Variants in DNAJC15 observed in about 807,000 individuals in gnomAD.
DNAJC15 encodes the protein dnaJ homolog subfamily C member 15.
A neutral mutation model predicts 22.4 loss-of-function variants in DNAJC15; 27 were observed. The ratio of observed to expected loss-of-function variants is 1.20; its 90% CI spans 0.89 to 1.66. DNAJC15 has a LOEUF of 1.66. DNAJC15 is among the 40% of genes most tolerant of loss of function. The pLI is 0.00. For synonymous variants in DNAJC15, 79 were observed against 63.2 expected (o/e 1.25, Z -1.19); for missense variants, 208 against 187.1 (o/e 1.11, Z -0.65).
Position 43,065,599 on chromosome 13 carries a change from A to T in DNAJC15, c.109-87A>T, listed in dbSNP as rs1160730261. 1.2e-5 allele frequency: 13 copies of T among 1,075,102 alleles called. No homozygotes were observed. The East Asian group carries it at 3.1e-4, about 26-fold the overall frequency. The allele number at this position is 1,075,102 out of a possible 1,614,324, so 66.6% of individuals were successfully genotyped here. ...GAGCTTAAAGAAAGTGTAGTATTGT[A>T]ATGTAATTATTCTCATTATTAAAAA... On this transcript the variant is annotated intron_variant, in intron 1 of 5. Coordinates refer to ENST00000379221, the MANE Select transcript of DNAJC15 (RefSeq NM_013238.3).
At chr13:43,085,955 G>A (rs2040686397) in intron 5 of DNAJC15, 117 bp downstream of exon 5, 1 of 870,908 alleles carries the variant, frequency 1.1e-6, no homozygotes, top group East Asian at 2.9e-5. Flanking sequence ...CACATGTATT[G>A]TGATTTTTTT....
Position 43,097,746 on chromosome 13 carries a change from T to C in DNAJC15, c.383-9432T>C, listed in dbSNP as rs542890252. 7.2e-5 allele frequency among the ~76,000 whole-genome samples: 11 copies of C among 152,238 alleles called. No individual in the cohort carries two copies. In the South Asian group the frequency reaches 1.2e-3, roughly 17 times the overall value. On this transcript the variant is annotated intron_variant, in intron 5 of 5. Coordinates refer to ENST00000379221, the MANE Select transcript of DNAJC15 (RefSeq NM_013238.3). ...TGAGGTCGGGAGTTCGAGACCAGCCTGACCAACATGGAGAAACCCCATCTC... is the reference window on the plus strand; with the variant it reads ...TGAGGTCGGGAGTTCGAGACCAGCCCGACCAACATGGAGAAACCCCATCTC...
At chr13:43,063,583 T>C (rs990879923) in intron 1 of DNAJC15, among the ~76,000 whole-genome samples, 1 of 152,238 alleles carries the variant, frequency 6.6e-6, no homozygotes, top group African/African-American at 2.4e-5. Context: ...CCTTTTCATA[T>C]GTTTTAGCCA....
intron 5 of DNAJC15, among the ~76,000 whole-genome samples, chr13:43,088,344 T>G (rs1239155681): frequency 1.3e-5 from 2 of 152,214 alleles, no homozygotes; most frequent in South Asian, 2.1e-4. Flanking sequence ...TAATCAATGC[T>G]GCCTCCTAAA....
chr13:43,081,536 T>G (rs2040661530), intron 4 of DNAJC15, among the ~76,000 whole-genome samples: 1 of 152,010 alleles, frequency 6.6e-6, no homozygotes, highest in Admixed American at 6.6e-5. Context: ...CCTCCCAGGT[T>G]CACGCCATTC....
intron 1 of DNAJC15, among the ~76,000 whole-genome samples, chr13:43,055,459 A>G (rs9533366): frequency 0.22 from 33,544 of 151,988 alleles, 4,417 homozygotes; most frequent in Non-Finnish European, 0.3. Context: ...CTTTTTGCCT[A>G]TTCAACTTTG....
chr13:43,075,214 C>T (rs1307411354), intron 3 of DNAJC15, among the ~76,000 whole-genome samples: 2 of 152,096 alleles, frequency 1.3e-5, no homozygotes, highest in African/African-American at 4.8e-5. Flanking sequence ...TTGACTTACT[C>T]GTAATAAAAT....
intron 5 of DNAJC15, among the ~76,000 whole-genome samples, chr13:43,103,449 C>T (rs1161700474): frequency 6.6e-6 from 1 of 152,224 alleles, no homozygotes; most frequent in Non-Finnish European, 1.5e-5. Context: ...CCAAACCTAT[C>T]TATGGTCTAA....
intron 5 of DNAJC15, among the ~76,000 whole-genome samples, chr13:43,096,846 T>TA (rs1260350195): frequency 6.6e-6 from 1 of 152,150 alleles, no homozygotes. Flanking sequence ...CTTCAGCTCT[T>TA]ACCTTCTTAG....
intron 5 of DNAJC15, among the ~76,000 whole-genome samples, chr13:43,093,834 T>C (rs532934143): frequency 3.0e-4 from 46 of 152,228 alleles, no homozygotes; most frequent in Non-Finnish European, 5.7e-4. Flanking sequence ...AATAAAATTT[T>C]TGAAGACTAA....
intron 1 of DNAJC15, among the ~76,000 whole-genome samples, chr13:43,028,624 CAT>C (rs1221370733): frequency 5.9e-5 from 9 of 152,192 alleles, no homozygotes; most frequent in Admixed American, 3.3e-4. Flanking sequence ...CCTTAAATGA[CAT>C]ATCCAGCCAC....
In DNAJC15 at chr13:43,107,200, CA is replaced by C; in HGVS notation, c.409del (p.Ile137Ter). ...CAGGTGGATCTCCTTACGTAGCAGCCAAAATAAATGAAGCAAAAGACTTGCT... is the reference window on the plus strand; with the variant it reads ...CAGGTGGATCTCCTTACGTAGCAGCCAAATAAATGAAGCAAAAGACTTGCT... ...DKGGSPYVAA[K>X]INEAKDLLET... On this transcript the variant is annotated frameshift_variant, in exon 6 of 6. Coordinates refer to ENST00000379221, the MANE Select transcript of DNAJC15 (RefSeq NM_013238.3). LOFTEE classifies it high-confidence loss of function. 1.3e-6 allele frequency: 2 copies of C among 1,576,082 alleles called. No homozygotes were observed. Among genetic ancestry groups the C allele is most frequent in the Non-Finnish European group, 8.6e-7 (1 of 1,164,372 alleles).
intron 5 of DNAJC15, among the ~76,000 whole-genome samples, chr13:43,101,752 A>G (rs1194548417): frequency 1.3e-5 from 2 of 152,206 alleles, no homozygotes; most frequent in Non-Finnish European, 2.9e-5. Flanking sequence ...GATAGTTGCA[A>G]ATGCCATTAT....
chr13:43,097,026 C>T (rs547519276), intron 5 of DNAJC15, among the ~76,000 whole-genome samples: 1 of 152,178 alleles, frequency 6.6e-6, no homozygotes, highest in African/African-American at 2.4e-5. Flanking sequence ...ATAAAAAGAA[C>T]ATTGTTGCTT....
In DNAJC15 at chr13:43,029,384, TC is replaced by T. The variant is rs2040394667; in HGVS notation, c.108+5651del. ...TTCCCTCTGGTACAACTCTTGTTTTTCTTGGACTGAAATGTTCAGTCTCAAA... is the reference window on the plus strand; with the variant it reads ...TTCCCTCTGGTACAACTCTTGTTTTTTTGGACTGAAATGTTCAGTCTCAAA... On this transcript the variant is annotated intron_variant, in intron 1 of 5. Transcript: ENST00000379221. Among the ~76,000 whole-genome samples, 3 of 152,234 alleles carry T rather than the reference TC, an allele frequency of 2.0e-5. 1 individual carries two copies. In the South Asian group the frequency reaches 6.2e-4, roughly 31 times the overall value.
Position 43,069,002 on chromosome 13 carries a change from C to A in DNAJC15, c.233C>A (p.Pro78His). ...GAAACTGCAAAGAAGATTTCAACTC[C>A]TGTAAGTTAAACGTGGCTTTAGTTA... ...ITETAKKIST[P>H]SFSSYYKGGF... The change falls in exon 3 of 6, where the codon CCT becomes CAT. Residue 78 changes from proline to histidine, a missense_variant and splice_region_variant. By Grantham distance (77) the Pro-to-His change is moderately conservative (BLOSUM62 -2). Transcript: ENST00000379221. The A allele has an allele frequency of 1.9e-6, 3 of 1,611,230 alleles. No individual in the cohort carries two copies. The highest frequency in any genetic ancestry group is 1.7e-6 in the Non-Finnish European group (2 of 1,178,674).
At chr13:43,036,066 C>A (rs1284470340) in intron 1 of DNAJC15, among the ~76,000 whole-genome samples, 1 of 151,864 alleles carries the variant, frequency 6.6e-6, no homozygotes, top group African/African-American at 2.4e-5. Flanking sequence ...AAATTGGATT[C>A]TAAAAGTCTG....
intron 5 of DNAJC15, among the ~76,000 whole-genome samples, chr13:43,094,929 C>T (rs555904601): frequency 3.3e-5 from 5 of 152,208 alleles, no homozygotes; most frequent in South Asian, 2.1e-4. Context: ...CCTCCCCTTC[C>T]GGAATCTTTG....
chr13:43,094,251 G>C (rs2153441964), intron 5 of DNAJC15, among the ~76,000 whole-genome samples: 1 of 152,232 alleles, frequency 6.6e-6, no homozygotes, highest in African/African-American at 2.4e-5. Flanking sequence ...GCTTCACTGA[G>C]AGTTACAAAT....
Sources: gnomAD v4.1 joint callset for allele counts (sites outside exome capture counted in the v4.1 genomes callset) on GRCh38, gnomAD v4.1.1 for gene constraint, MANE v1.5 for transcripts, NCBI Gene and HGNC (gene_info 2026-07-23, HGNC 2026-07-21) for gene names.